The following CATSPER3 variants were observed in gnomAD, a reference collection of about 807,000 sequenced individuals.
CATSPER3 encodes cation channel sperm associated 3.
Under a neutral mutation model 36.6 loss-of-function variants are expected in CATSPER3, and 23 were observed. The observed-to-expected ratio is 0.63, with a 90% CI of 0.45 to 0.89. CATSPER3 has a LOEUF of 0.89. CATSPER3 is among the 40% of genes least tolerant of loss of function. CATSPER3 has a pLI of 0.00. For missense variants in CATSPER3, 474 were observed against 503.9 expected, an observed-to-expected ratio of 0.94 and a Z score of 0.57; for synonymous variants, 172 against 184.1, an observed-to-expected ratio of 0.93 and a Z score of 0.53.
intron 3 of CATSPER3, among the ~76,000 whole-genome samples, chr5:135,006,018 T>C (rs935049390): frequency 6.6e-6 from 1 of 152,000 alleles, no homozygotes; most frequent in Non-Finnish European, 1.5e-5. Flanking sequence ...GTACAGGGAA[T>C]TGCCCCCCCA....
chr5:135,002,541 A>G (rs932440078), intron 3 of CATSPER3, among the ~76,000 whole-genome samples: 17 of 152,172 alleles, frequency 1.1e-4, no homozygotes, highest in African/African-American at 4.8e-5. Flanking sequence ...TCCCCTGGAT[A>G]ATATCCTGCA....
intron 2 of CATSPER3, among the ~76,000 whole-genome samples, chr5:134,988,923 A>C (rs1162731502): frequency 6.6e-6 from 1 of 152,164 alleles, no homozygotes; most frequent in Non-Finnish European, 1.5e-5. Context: ...TAGCCTTATG[A>C]AATGTATTTC....
chr5:135,001,927 C>G (rs1752024507), intron 3 of CATSPER3, among the ~76,000 whole-genome samples: 1 of 152,140 alleles, frequency 6.6e-6, no homozygotes, highest in South Asian at 2.1e-4. Flanking sequence ...ATTTGCCAGT[C>G]TGTGTCTTTT....
chr5:134,978,054 G>T (rs1267817321), intron 2 of CATSPER3, among the ~76,000 whole-genome samples: 1 of 152,124 alleles, frequency 6.6e-6, no homozygotes, highest in Non-Finnish European at 1.5e-5. Flanking sequence ...CTCCTGCTGG[G>T]CCCCATCTCC....
Position 135,009,449 on chromosome 5 carries a change from C to T in CATSPER3, c.895C>T (p.Gln299Ter). 6.2e-7 allele frequency: 1 copy of T among 1,612,334 alleles called. No homozygotes were observed. Among genetic ancestry groups the T allele is most frequent in the Non-Finnish European group, 8.5e-7 (1 of 1,179,162 alleles). The change falls in exon 6 of 8, where the codon CAG becomes TAG. Residue 299 changes from glutamine (Q) to a stop codon, truncating the protein, a stop_gained. Coordinates refer to ENST00000282611, the MANE Select transcript of CATSPER3 (RefSeq NM_178019.3). LOFTEE classifies it high-confidence loss of function. ...MLMGEKQVIL[Q>*]RQQEEISRLM... ...CATGGGAGAGAAGCAGGTGATTCTG[C>T]AGCGGCAGCAGGAGGAGATCAGCAG...
At chr5:134,977,176 A>G (rs1260677587) in intron 2 of CATSPER3, among the ~76,000 whole-genome samples, 1 of 152,086 alleles carries the variant, frequency 6.6e-6, no homozygotes, top group African/African-American at 2.4e-5. Flanking sequence ...TTCTCTCCTG[A>G]TAGGGCTTTC....
chr5:134,987,820 GA>G (rs1336944189), intron 2 of CATSPER3, among the ~76,000 whole-genome samples: 1 of 152,150 alleles, frequency 6.6e-6, no homozygotes, highest in African/African-American at 2.4e-5. Flanking sequence ...GGGCATTTAT[GA>G]AAAAACCCAC....
At chr5:134,994,775 C>T (rs962231035) in intron 2 of CATSPER3, among the ~76,000 whole-genome samples, 40 of 152,194 alleles carry the variant, frequency 2.6e-4, no homozygotes, top group Admixed American at 6.5e-4. Context: ...GCCATGCTGA[C>T]TTTGCTGTTC....
intron 2 of CATSPER3, among the ~76,000 whole-genome samples, chr5:134,984,613 A>G (rs1751787109): frequency 6.6e-6 from 1 of 152,200 alleles, no homozygotes; most frequent in Non-Finnish European, 1.5e-5. Flanking sequence ...AAGAAGTCAA[A>G]AAGCAACATA....
intron 3 of CATSPER3, among the ~76,000 whole-genome samples, chr5:135,005,192 T>C (rs112884417): frequency 0.047 from 7,132 of 152,252 alleles, 255 homozygotes; most frequent in South Asian, 0.067. Flanking sequence ...GGCTGTATTG[T>C]GGCAGCCTGA....
rs183091877 is a variant in CATSPER3 at position 135,000,928 on chromosome 5, G to A, written c.492+4416G>A. On this transcript the variant is annotated intron_variant, in intron 3 of 7. Coordinates refer to ENST00000282611, the MANE Select transcript of CATSPER3 (RefSeq NM_178019.3). Reference sequence around the variant, plus strand: ...TCTTTTTGTCTCTCTATCTCCTTCAGTTCTTATCTGATCTTAGTTATTTCT... The same window carrying A: ...TCTTTTTGTCTCTCTATCTCCTTCAATTCTTATCTGATCTTAGTTATTTCT... Among the ~76,000 whole-genome samples the A allele has an allele frequency of 1.6e-3, 237 of 152,182 alleles. 1 individual carries two copies. The highest frequency in any genetic ancestry group is 5.3e-3 in the African/African-American group (221 of 41,510).
intron 2 of CATSPER3, among the ~76,000 whole-genome samples, chr5:134,970,418 C>T (rs1751588844): frequency 6.6e-6 from 1 of 152,048 alleles, no homozygotes; most frequent in Non-Finnish European, 1.5e-5. Flanking sequence ...CTCAGCCTCC[C>T]AAAATGCTGG....
In CATSPER3 at chr5:134,989,929, T is replaced by TG. The variant is rs1751857741; in HGVS notation, c.253-6344_253-6343insG. On this transcript the variant is annotated intron_variant, in intron 2 of 7. Coordinates refer to ENST00000282611, the MANE Select transcript of CATSPER3 (RefSeq NM_178019.3). ...GCAACCCTTCATTTCACTTGAACAC[T>TG]TACAGATCATTGTAGGGTTATTAAC... 2.0e-5 allele frequency among the ~76,000 whole-genome samples: 3 copies of TG among 152,290 alleles called. 1 individual carries two copies. In the South Asian group the frequency reaches 6.2e-4, roughly 32 times the overall value.
intron 3 of CATSPER3, among the ~76,000 whole-genome samples, chr5:134,998,565 A>C (rs1480062105): frequency 6.6e-6 from 1 of 152,170 alleles, no homozygotes; most frequent in South Asian, 2.1e-4. Context: ...ATTTCTCCAC[A>C]TCCTCTCCAG....
intron 7 of CATSPER3, among the ~76,000 whole-genome samples, chr5:135,011,134 AG>A (rs1206284245): frequency 2.0e-5 from 3 of 152,182 alleles, no homozygotes; most frequent in Non-Finnish European, 2.9e-5. Flanking sequence ...CTCTTCAGTG[AG>A]GACAGATATA....
intron 2 of CATSPER3, among the ~76,000 whole-genome samples, chr5:134,974,191 C>T (rs1017868320): frequency 6.6e-6 from 1 of 152,124 alleles, no homozygotes; most frequent in Non-Finnish European, 1.5e-5. Flanking sequence ...ATATGCTGAA[C>T]TGTACCATGA....
At chr5:135,009,613 T>TGTAAAGAGC in intron 6 of CATSPER3, 123 bp downstream of exon 6, 1 of 730,132 alleles carries the variant, frequency 1.4e-6, no homozygotes, top group Non-Finnish European at 2.4e-6. Flanking sequence ...TCTGCAGCCT[T>TGTAAAGAGC]AGGTAAGACA....
chr5:134,999,632 G>A (rs1751995614), intron 3 of CATSPER3, among the ~76,000 whole-genome samples: 1 of 152,160 alleles, frequency 6.6e-6, no homozygotes, highest in Admixed American at 6.5e-5. Context: ...CACATCCCTT[G>A]TAAGTTGGAT....
chr5:134,982,757 A>G (rs1278102616), intron 2 of CATSPER3, among the ~76,000 whole-genome samples: 1 of 152,164 alleles, frequency 6.6e-6, no homozygotes, highest in African/African-American at 2.4e-5. Flanking sequence ...GAAATAAAGA[A>G]CTTGGGTAAG....
Sources: gnomAD v4.1 joint callset for allele counts (sites outside exome capture counted in the v4.1 genomes callset) on GRCh38, gnomAD v4.1.1 for gene constraint, MANE v1.5 for transcripts, NCBI Gene and HGNC (gene_info 2026-07-23, HGNC 2026-07-21) for gene names.